GASK1A: variants seen among roughly 807,000 people sequenced by gnomAD.
The protein encoded by GASK1A is golgi associated kinase 1A.
A neutral mutation model predicts 41.2 loss-of-function variants in GASK1A; 40 were observed. That is an observed-to-expected ratio of 0.97 (90% confidence interval 0.75 to 1.27). GASK1A has a LOEUF of 1.27. GASK1A is among the 50% of genes most tolerant of loss of function. The pLI is 0.00. For synonymous variants in GASK1A, 316 were observed against 307.1 expected (o/e 1.03, Z -0.30); for missense variants, 678 against 745.1 (o/e 0.91, Z 1.05).
intron 1 of GASK1A, among the ~76,000 whole-genome samples, chr3:42,999,394 T>G (rs2089394648): frequency 6.6e-6 from 1 of 152,214 alleles, no homozygotes; most frequent in African/African-American, 2.4e-5. Flanking sequence ...CCCAGCAACC[T>G]CTGTCCTGGG....
rs2089721354 is a variant in GASK1A at position 43,057,389 on chromosome 3, T to C, written c.*1003T>C. On this transcript the variant is annotated 3_prime_UTR_variant, in exon 5 of 5. Coordinates refer to ENST00000430121, the MANE Select transcript of GASK1A (RefSeq NM_001129908.3). The stretch of plus-strand genomic sequence containing the variant: ...GAAACTGCCAAATTGCTCTCTGAAA[T>C]GGTGGTGTCAATTTACATTTCTCCC... 2.0e-5 allele frequency: 3 copies of C among 152,330 alleles called. No homozygotes were observed. Among genetic ancestry groups the C allele is most frequent in the Admixed American group, 1.3e-4 (2 of 15,302 alleles). The allele number at this position is 152,330 out of a possible 1,614,324, so 9.4% of individuals were successfully genotyped here. A position where few individuals can be genotyped will look rare whatever the true frequency, so the allele number is the denominator to read the frequency against.
rs537753518 is a variant in GASK1A at position 43,041,195 on chromosome 3, G to A, written c.1290+7642G>A. ...TGCCGCAATAAACATACATGTGCAC[G>A]TGTCTTTATAGCAGCATGATTTATA... On this transcript the variant is annotated intron_variant, in intron 2 of 4. Coordinates refer to ENST00000430121, the MANE Select transcript of GASK1A (RefSeq NM_001129908.3). Among the ~76,000 whole-genome samples, 1,433 of 150,928 alleles carry A rather than the reference G, an allele frequency of 9.5e-3. 25 individuals are homozygous for A. The highest frequency in any genetic ancestry group is 0.033 in the African/African-American group (1,351 of 41,264).
intron 4 of GASK1A, 175 bp downstream of exon 4, chr3:43,055,710 A>G: frequency 1.7e-6 from 1 of 593,062 alleles, no homozygotes; most frequent in Non-Finnish European, 3.0e-6. Context: ...GAGGGGATAC[A>G]GTTGGCAGGG....
At chr3:43,032,176 G>A (rs2089578735) in intron 1 of GASK1A, 91 bp from the exon 2 acceptor site, 1 of 1,012,302 alleles carries the variant, frequency 9.9e-7, no homozygotes. Context: ...CATGAACTGA[G>A]CACCTCATTT....
At chr3:43,001,911 C>T (rs2089411234) in intron 1 of GASK1A, among the ~76,000 whole-genome samples, 1 of 152,180 alleles carries the variant, frequency 6.6e-6, no homozygotes, top group Non-Finnish European at 1.5e-5. Context: ...TTCAACCACC[C>T]TCTTTCCCAC....
chr3:43,040,883 C>CCCT (rs1275576278), intron 2 of GASK1A, among the ~76,000 whole-genome samples: 2 of 123,378 alleles, frequency 1.6e-5, no homozygotes, highest in South Asian at 2.7e-4. Context: ...CCCTCCCCCC[C>CCCT]GCCACAACAG....
intron 1 of GASK1A, among the ~76,000 whole-genome samples, chr3:43,002,625 T>C (rs1294986248): frequency 6.6e-6 from 1 of 152,194 alleles, no homozygotes; most frequent in Non-Finnish European, 1.5e-5. Context: ...GAAATACACA[T>C]TGGATATCAA....
At chr3:43,043,040 T>C (rs1222170662) in intron 2 of GASK1A, among the ~76,000 whole-genome samples, 2 of 152,166 alleles carry the variant, frequency 1.3e-5, no homozygotes, top group Non-Finnish European at 2.9e-5. Context: ...CCAGCCAGTA[T>C]GGGAGCAGCC....
chr3:43,056,239 G>T lies in GASK1A; in HGVS notation c.1581G>T (p.Ser527=), dbSNP rs1291462799. ...GTCTACAGAACATGCTGCTGAAGTC[G>T]CTGCAGATGGACCCAGTGTTCTGGG... is the stretch of plus-strand genomic sequence containing the variant. ...SGCLQNMLLK[S]LQMDPVFWES... is the part of the protein sequence containing the mutation. Residue 527 remains serine, a synonymous_variant, in exon 5 of 5, where the codon TCG becomes TCT. Coordinates refer to ENST00000430121, the MANE Select transcript of GASK1A (RefSeq NM_001129908.3). 7 of 1,551,712 alleles carry T rather than the reference G, an allele frequency of 4.5e-6. No individual in the cohort carries two copies. In the South Asian group the frequency reaches 5.9e-5, roughly 13 times the overall value.
At chr3:43,009,971 G>A (rs1270111821) in intron 1 of GASK1A, among the ~76,000 whole-genome samples, 1 of 152,206 alleles carries the variant, frequency 6.6e-6, no homozygotes, top group Non-Finnish European at 1.5e-5. Context: ...TCCAGTGCTT[G>A]GCATTAGGGG....
intron 1 of GASK1A, among the ~76,000 whole-genome samples, chr3:42,995,067 T>C (rs570895107): frequency 6.6e-6 from 1 of 152,234 alleles, no homozygotes; most frequent in East Asian, 1.9e-4. Context: ...GCTCTCATAT[T>C]GGACATTGTA....
At chr3:43,012,100 G>A (rs1278218630) in intron 1 of GASK1A, among the ~76,000 whole-genome samples, 1 of 151,868 alleles carries the variant, frequency 6.6e-6, no homozygotes, top group African/African-American at 2.4e-5. Context: ...CCACAGGAAG[G>A]GGAATGGGAA....
Position 43,056,296 on chromosome 3 carries a change from G to C in GASK1A, c.1638G>C (p.Gln546His). 1 of 1,551,712 alleles carries C rather than the reference G, an allele frequency of 6.4e-7. No individual in the cohort carries two copies. Among genetic ancestry groups the C allele is most frequent in the Non-Finnish European group, 8.7e-7 (1 of 1,147,000 alleles). The change falls in exon 5 of 5, where the codon CAG becomes CAC. Residue 546 changes from glutamine to histidine, a missense_variant. Coordinates refer to ENST00000430121, the MANE Select transcript of GASK1A (RefSeq NM_001129908.3). ...AAGGCGGAGCCCAGGGGCTGAAGCA[G>C]GTCCTCCAGACCCTGGAGCAGCGAG... Reference protein sequence around the residue: ...ESQGGAQGLKQVLQTLEQRGQ... With the variant: ...ESQGGAQGLKHVLQTLEQRGQ...
intron 1 of GASK1A, among the ~76,000 whole-genome samples, chr3:43,011,899 G>T (rs929638046): frequency 1.3e-5 from 2 of 151,820 alleles, no homozygotes; most frequent in East Asian, 1.9e-4. Flanking sequence ...ATAGGAAGGG[G>T]TAGTGTGAAG....
At chr3:42,990,426 C>T (rs1473265361) in intron 1 of GASK1A, among the ~76,000 whole-genome samples, 1 of 151,744 alleles carries the variant, frequency 6.6e-6, no homozygotes, top group Non-Finnish European at 1.5e-5. Flanking sequence ...GTGCTGCTCT[C>T]TGCCTGCTTC....
intron 1 of GASK1A, among the ~76,000 whole-genome samples, chr3:43,022,005 T>A (rs1434430441): frequency 2.0e-5 from 3 of 152,180 alleles, no homozygotes; most frequent in African/African-American, 7.2e-5. Context: ...CCTCCTGCCA[T>A]GAACATTGCA....
chr3:43,014,549 G>A (rs1047639724), intron 1 of GASK1A, among the ~76,000 whole-genome samples: 2 of 152,120 alleles, frequency 1.3e-5, no homozygotes, highest in African/African-American at 4.8e-5. Flanking sequence ...GTCACAGGAA[G>A]TGGCTGTGGG....
At chr3:43,037,068 C>A in intron 2 of GASK1A, 1 of 544,916 alleles carries the variant, frequency 1.8e-6, no homozygotes, top group East Asian at 2.7e-5. Context: ...TAAGAGCATG[C>A]TCACTCTTGG....
chr3:42,997,977 C>G (rs1173436741), intron 1 of GASK1A, among the ~76,000 whole-genome samples: 3 of 152,154 alleles, frequency 2.0e-5, no homozygotes, highest in Non-Finnish European at 4.4e-5. Context: ...GAGTTGTCCT[C>G]CCCTACAGGT....
Sources: gnomAD v4.1 joint callset for allele counts (sites outside exome capture counted in the v4.1 genomes callset) on GRCh38, gnomAD v4.1.1 for gene constraint, MANE v1.5 for transcripts, NCBI Gene and HGNC (gene_info 2026-07-23, HGNC 2026-07-21) for gene names.